Variants in SNAP23 observed in about 807,000 individuals in gnomAD.
The protein encoded by SNAP23 is synaptosome associated protein 23.
SNAP23 carries 11 observed loss-of-function variants against 29.0 expected under a neutral mutation model. That is an observed-to-expected ratio of 0.38 (90% confidence interval 0.24 to 0.63). The LOEUF is 0.63. Ranked by LOEUF, SNAP23 falls within the 20% of genes least tolerant of loss-of-function variation. The pLI, the probability that SNAP23 is intolerant of heterozygous loss-of-function variation, is 0.58. For missense variants in SNAP23, 220 were observed against 253.9 expected (o/e 0.87, Z 0.91); for synonymous variants, 60 against 82.9 (o/e 0.72, Z 1.50).
chr15:42,506,837 G>A (rs965593930), intron 1 of SNAP23, among the ~76,000 whole-genome samples: 15 of 149,014 alleles, frequency 1.0e-4, no homozygotes, highest in Non-Finnish European at 1.8e-4. Flanking sequence ...TTTTTTTTTG[G>A]AAACAGGGTC....
chr15:42,508,274 AAAAG>A (rs1247171728), intron 1 of SNAP23, among the ~76,000 whole-genome samples: 192 of 151,706 alleles, frequency 1.3e-3, no homozygotes, highest in African/African-American at 2.7e-3. Context: ...AAAAAAAAAA[AAAAG>A]AAAGAAAGAA....
intron 5 of SNAP23, among the ~76,000 whole-genome samples, chr15:42,527,454 T>A (rs2057514430): frequency 6.6e-6 from 1 of 152,104 alleles, no homozygotes; most frequent in African/African-American, 2.4e-5. Flanking sequence ...GGCACTATCA[T>A]GGCTCACTGC....
chr15:42,518,700 T>G (rs1005111961), intron 5 of SNAP23, among the ~76,000 whole-genome samples: 2 of 152,176 alleles, frequency 1.3e-5, no homozygotes, highest in Non-Finnish European at 2.9e-5. Context: ...ATTGCAGGCA[T>G]GAGCCATTAA....
upstream of SNAP23, among the ~76,000 whole-genome samples, chr15:42,494,873 G>A (rs904920018): frequency 6.6e-6 from 1 of 152,078 alleles, no homozygotes; most frequent in Non-Finnish European, 1.5e-5. Context: ...GAGGTGCATG[G>A]AGGGGTTCCT....
chr15:42,503,674 G>A (rs2057294788), intron 1 of SNAP23, among the ~76,000 whole-genome samples: 1 of 151,646 alleles, frequency 6.6e-6, no homozygotes, highest in South Asian at 2.1e-4. Flanking sequence ...CCGGCCTTTG[G>A]TATTTTTTAG....
At chr15:42,515,203 A>G in intron 4 of SNAP23, 34 bp from the exon 5 acceptor site, 1 of 1,361,888 alleles carries the variant, frequency 7.3e-7, no homozygotes, top group Non-Finnish European at 1.0e-6. Context: ...CTGTGAATGG[A>G]ACACAAAGTG....
At chr15:42,497,367 C>T (rs2057229704) in intron 1 of SNAP23, among the ~76,000 whole-genome samples, 1 of 152,078 alleles carries the variant, frequency 6.6e-6, no homozygotes, top group Non-Finnish European at 1.5e-5. Context: ...TGCCACCAGG[C>T]CTGGCTAATT....
intron 6 of SNAP23, among the ~76,000 whole-genome samples, chr15:42,529,199 G>C (rs1395834811): frequency 2.0e-5 from 3 of 152,176 alleles, no homozygotes; most frequent in African/African-American, 7.2e-5. Flanking sequence ...AATAACACTT[G>C]ATTTACAAAA....
chr15:42,529,694 G>T lies in SNAP23; in HGVS notation c.445G>T (p.Glu149Ter). ...YIKRITNDAR[E>*]DEMEENLTQV... ...TGATAGCATAACTAATGATGCCAGA[G>T]AAGATGAAATGGAAGAGAACCTGAC... Residue 149 changes from glutamate (E) to a stop codon, truncating the protein, a stop_gained, in exon 7 of 8, where the codon GAA (glutamate) becomes TAA (stop). Coordinates refer to ENST00000249647, the MANE Select transcript of SNAP23 (RefSeq NM_003825.4). LOFTEE classifies it high-confidence loss of function. 6.2e-7 allele frequency: 1 copy of T among 1,614,034 alleles called. No individual in the cohort carries two copies. Among genetic ancestry groups the T allele is most frequent in the Non-Finnish European group, 8.5e-7 (1 of 1,179,962 alleles).
At chr15:42,493,395 T>C (rs1370223898), upstream of SNAP23, among the ~76,000 whole-genome samples, 1 of 151,948 alleles carries the variant, frequency 6.6e-6, no homozygotes, top group Non-Finnish European at 1.5e-5. Flanking sequence ...TGTGTGTATG[T>C]ATGTTTAGCA....
At chr15:42,508,024 G>A (rs2057328296) in intron 1 of SNAP23, among the ~76,000 whole-genome samples, 1 of 152,146 alleles carries the variant, frequency 6.6e-6, no homozygotes, top group South Asian at 2.1e-4. Context: ...GGGAGGCTGA[G>A]GTGGGAGGAT....
upstream of SNAP23, among the ~76,000 whole-genome samples, chr15:42,494,027 A>G (rs2141489590): frequency 6.6e-6 from 1 of 152,038 alleles, no homozygotes; most frequent in South Asian, 2.1e-4. Flanking sequence ...TTGCCTACTG[A>G]CTATCCCTTC....
Position 42,528,420 on chromosome 15 carries a change from G to A in SNAP23, c.425G>A (p.Arg142His), listed in dbSNP as rs1404108094. The change falls in exon 6 of 8, where the codon CGC (arginine) becomes CAC (histidine). Residue 142 changes from arginine (R) to histidine (H), a missense_variant and splice_region_variant. Transcript: ENST00000249647. ...TGAASGGYIK[R>H]ITNDAREDEM... ...GCAGCCAGTGGTGGATACATTAAAC[G>A]GTATGCCAACTCCTCCTGATATTCC... The A allele has an allele frequency of 1.9e-6, 3 of 1,613,892 alleles. No homozygotes were observed. Among genetic ancestry groups the A allele is most frequent in the Middle Eastern group, 1.7e-4 (1 of 6,058 alleles).
intron 1 of SNAP23, among the ~76,000 whole-genome samples, chr15:42,507,301 A>T (rs1377536115): frequency 2.6e-5 from 4 of 152,236 alleles, no homozygotes; most frequent in Non-Finnish European, 5.9e-5. Flanking sequence ...TTAGTAGGGT[A>T]TCTGGTGCCT....
intron 5 of SNAP23, among the ~76,000 whole-genome samples, chr15:42,523,297 T>C (rs1357053202): frequency 1.3e-5 from 2 of 152,220 alleles, no homozygotes; most frequent in Non-Finnish European, 2.9e-5. Flanking sequence ...CAAATTTACT[T>C]AGGCATTTTA....
At chr15:42,504,518 A>G (rs571248624) in intron 1 of SNAP23, among the ~76,000 whole-genome samples, 9 of 152,338 alleles carry the variant, frequency 5.9e-5, no homozygotes, top group South Asian at 2.1e-4. Context: ...TGTGACTCAT[A>G]TTCAACATTG....
At chr15:42,520,128 G>C (rs1019482962) in intron 5 of SNAP23, among the ~76,000 whole-genome samples, 16 of 137,354 alleles carry the variant, frequency 1.2e-4, no homozygotes, top group African/African-American at 3.9e-4. Context: ...TCAGCTCACT[G>C]CAACCCCTGC....
intron 1 of SNAP23, among the ~76,000 whole-genome samples, chr15:42,496,493 G>A (rs1227717264): frequency 6.6e-6 from 1 of 152,146 alleles, no homozygotes; most frequent in Non-Finnish European, 1.5e-5. Context: ...GAGGAGAGAG[G>A]ATCATATGAG....
chr15:42,530,573 C>T (rs1435749372), intron 7 of SNAP23, among the ~76,000 whole-genome samples: 1 of 151,942 alleles, frequency 6.6e-6, no homozygotes, highest in Non-Finnish European at 1.5e-5. Context: ...CAGAGCAAGA[C>T]CTCGACTCTA....
Sources: gnomAD v4.1 joint callset for allele counts (sites outside exome capture counted in the v4.1 genomes callset) on GRCh38, gnomAD v4.1.1 for gene constraint, MANE v1.5 for transcripts, NCBI Gene and HGNC (gene_info 2026-07-23, HGNC 2026-07-21) for gene names.